The following PITPNC1 variants were observed in gnomAD, a reference collection of about 807,000 sequenced individuals.
PITPNC1 encodes cytoplasmic phosphatidylinositol transfer protein 1.
Under a neutral mutation model 44.7 loss-of-function variants are expected in PITPNC1, and 18 were observed. That is an observed-to-expected ratio of 0.40 (90% CI 0.28 to 0.60). The LOEUF is 0.60. Ranked by LOEUF, PITPNC1 falls within the 20% of genes least tolerant of loss-of-function variation. The probability of loss-of-function intolerance (pLI) is 0.39; values close to 1 mark genes in which losing one functional copy is unlikely to be tolerated. For missense variants in PITPNC1, 290 were observed against 418.4 expected (o/e 0.69, Z 2.68); for synonymous variants, 141 against 149.6 (o/e 0.94, Z 0.42).
intron 8 of PITPNC1, among the ~76,000 whole-genome samples, chr17:67,680,688 G>A (rs1302787131): frequency 6.6e-6 from 1 of 151,880 alleles, no homozygotes; most frequent in South Asian, 2.1e-4. Context: ...ACCACACTTC[G>A]AGGACTGGCT....
intron 1 of PITPNC1, among the ~76,000 whole-genome samples, chr17:67,404,850 G>A (rs1386319218): frequency 2.0e-5 from 3 of 151,512 alleles, no homozygotes; most frequent in Non-Finnish European, 4.4e-5. Flanking sequence ...GTAGGATTAT[G>A]TTTGTTATTG....
chr17:67,420,258 C>G (rs1598639071), intron 1 of PITPNC1, among the ~76,000 whole-genome samples: 1 of 152,110 alleles, frequency 6.6e-6, no homozygotes, highest in African/African-American at 2.4e-5. Context: ...CTGGGTACAG[C>G]AAGAAGCACT....
intron 1 of PITPNC1, among the ~76,000 whole-genome samples, chr17:67,398,652 G>A (rs947552408): frequency 6.6e-6 from 1 of 151,920 alleles, no homozygotes; most frequent in Non-Finnish European, 1.5e-5. Flanking sequence ...TAATGGATCA[G>A]ACCAGCAGCA....
chr17:67,583,897 T>TGTGTGTGTGTGTGTGTGTGTG (rs1568052082), intron 5 of PITPNC1, among the ~76,000 whole-genome samples: 1 of 106,388 alleles, frequency 9.4e-6, no homozygotes, highest in African/African-American at 3.4e-5. Flanking sequence ...GTGTGTGTGT[T>TGTGTGTGTGTGTGTGTGTGTG]TGTGTGTGTG....
Position 67,595,930 on chromosome 17 carries a change from G to A in PITPNC1, c.366+17673G>A, listed in dbSNP as rs540032470. Among the ~76,000 whole-genome samples, 7 of 152,258 alleles carry A rather than the reference G, an allele frequency of 4.6e-5. No homozygotes were observed. The South Asian group carries it at 1.5e-3, about 32-fold the overall frequency. On this transcript the variant is annotated intron_variant, in intron 5 of 8. Transcript: ENST00000581322. ...TCTAGAGTAATTTTAATTATCTTTA[G>A]CTATGCCGATCAGATGATAATAAAT...
At chr17:67,634,460 G>A (rs2042008345) in intron 6 of PITPNC1, among the ~76,000 whole-genome samples, 1 of 152,052 alleles carries the variant, frequency 6.6e-6, no homozygotes, top group East Asian at 1.9e-4. Flanking sequence ...GGAGGCTGAC[G>A]CATGAGAATC....
At chr17:67,523,422 A>G (rs1043279324) in intron 1 of PITPNC1, among the ~76,000 whole-genome samples, 1 of 152,224 alleles carries the variant, frequency 6.6e-6, no homozygotes, top group Non-Finnish European at 1.5e-5. Flanking sequence ...GTGGCCAACT[A>G]GAAGGAGCAG....
Position 67,692,589 on chromosome 17 carries a change from G to A in PITPNC1, c.700G>A (p.Val234Ile). The A allele has an allele frequency of 6.2e-7, 1 of 1,613,060 alleles. No individual in the cohort carries two copies. The highest frequency in any genetic ancestry group is 1.1e-5 in the South Asian group (1 of 91,050). The change falls in exon 9 of 9, where the codon GTC becomes ATC. Residue 234 changes from valine to isoleucine, a missense_variant. Val to Ile is a conservative substitution (Grantham distance 29). Transcript: ENST00000581322. ...CCTTGAAGACATGACAATGGATGAA[G>A]TCCGAGAATTTGAACGAGCCACTCA... Reference protein sequence around the residue: ...DEWYDMTMDEVREFERATQEA... With the variant: ...DEWYDMTMDEIREFERATQEA...
chr17:67,535,788 A>G (rs1478306929), intron 2 of PITPNC1, among the ~76,000 whole-genome samples: 4 of 152,218 alleles, frequency 2.6e-5, no homozygotes, highest in Non-Finnish European at 4.4e-5. Context: ...CTGAAACCAG[A>G]GTGGAAAGCA....
At chr17:67,681,839 A>T (rs2042714809) in intron 8 of PITPNC1, among the ~76,000 whole-genome samples, 1 of 152,126 alleles carries the variant, frequency 6.6e-6, no homozygotes, top group African/African-American at 2.4e-5. Context: ...AATAAAATAT[A>T]CCATAGAAAT....
At chr17:67,422,074 G>A (rs748808905) in intron 1 of PITPNC1, among the ~76,000 whole-genome samples, 69 of 152,122 alleles carry the variant, frequency 4.5e-4, no homozygotes, top group Admixed American at 9.8e-4. Flanking sequence ...TGACTTGCAG[G>A]AAGTATGACT....
At chr17:67,523,500 T>C (rs2040354402) in intron 1 of PITPNC1, among the ~76,000 whole-genome samples, 1 of 152,186 alleles carries the variant, frequency 6.6e-6, no homozygotes, top group South Asian at 2.1e-4. Context: ...TAAGTTTTTT[T>C]TTTTTTCTCA....
At chr17:67,587,506 A>C (rs1356755101) in intron 5 of PITPNC1, among the ~76,000 whole-genome samples, 1 of 152,086 alleles carries the variant, frequency 6.6e-6, no homozygotes, top group African/African-American at 2.4e-5. Flanking sequence ...AAGAAGAAGA[A>C]GAAGAAGTTG....
chr17:67,405,307 C>T (rs1020149990), intron 1 of PITPNC1, among the ~76,000 whole-genome samples: 4 of 151,436 alleles, frequency 2.6e-5, no homozygotes, highest in African/African-American at 9.7e-5. Flanking sequence ...ATCCCATCTA[C>T]TGGGGAGGCT....
At chr17:67,520,698 C>T (rs1235492708) in intron 1 of PITPNC1, among the ~76,000 whole-genome samples, 1 of 152,136 alleles carries the variant, frequency 6.6e-6, no homozygotes, top group Non-Finnish European at 1.5e-5. Flanking sequence ...GTCCCCACAG[C>T]CAACGTATGA....
chr17:67,397,236 C>G (rs1242069351), intron 1 of PITPNC1, among the ~76,000 whole-genome samples: 1 of 152,194 alleles, frequency 6.6e-6, no homozygotes, highest in Non-Finnish European at 1.5e-5. Context: ...CCGCCTCGGC[C>G]TCTCAAAGTG....
intron 5 of PITPNC1, among the ~76,000 whole-genome samples, chr17:67,606,132 A>G (rs531787433): frequency 1.3e-4 from 20 of 152,246 alleles, no homozygotes; most frequent in African/African-American, 4.8e-4. Flanking sequence ...GGCTGACTGA[A>G]TTGATGGAAC....
At chr17:67,672,390 G>C (rs1030548367) in intron 7 of PITPNC1, among the ~76,000 whole-genome samples, 6 of 151,586 alleles carry the variant, frequency 4.0e-5, no homozygotes, top group Admixed American at 3.9e-4. Context: ...GAGGTCAGGA[G>C]TAGTTCGAGA....
chr17:67,677,592 G>A (rs1440228213), intron 8 of PITPNC1, among the ~76,000 whole-genome samples: 2 of 146,506 alleles, frequency 1.4e-5, no homozygotes, highest in African/African-American at 5.4e-5. Flanking sequence ...TTTTGAGACA[G>A]AGTCTCGCAC....
Sources: gnomAD v4.1 joint callset for allele counts (sites outside exome capture counted in the v4.1 genomes callset) on GRCh38, gnomAD v4.1.1 for gene constraint, MANE v1.5 for transcripts, NCBI Gene and HGNC (gene_info 2026-07-23, HGNC 2026-07-21) for gene names.